SLC8A1: variants seen among roughly 807,000 people sequenced by gnomAD.
The protein encoded by SLC8A1 is sodium/calcium exchanger 1.
SLC8A1 carries 18 observed loss-of-function variants against 68.3 expected under a neutral mutation model. The observed-to-expected ratio is 0.26, with a 90% CI of 0.18 to 0.39. The LOEUF (loss-of-function observed/expected upper bound fraction) is 0.39. SLC8A1 is among the 10% of genes least tolerant of loss of function. The pLI, the probability that SLC8A1 is intolerant of heterozygous loss-of-function variation, is 1.00. For missense variants in SLC8A1, 985 were observed against 1,156.7 expected, an observed-to-expected ratio of 0.85 and a Z score of 2.15; for synonymous variants, 475 against 415.5, an observed-to-expected ratio of 1.14 and a Z score of -1.74.
Position 40,430,952 on chromosome 2 carries a change from A to G in SLC8A1, c.-24-648T>C, listed in dbSNP as rs115497459. On this transcript the variant is annotated intron_variant, in intron 1 of 7. Coordinates refer to ENST00000406785, the Ensembl canonical transcript of SLC8A1. The stretch of plus-strand genomic sequence containing the variant: ...CAAGCTTGCCTGAAATCAAAGCTCA[A>G]TGGCATTTGTTCTTGAGGAGAAAAA... 5.7e-3 allele frequency among the ~76,000 whole-genome samples: 861 copies of G among 152,322 alleles called. 10 individuals carry two copies. Among genetic ancestry groups the G allele is most frequent in the African/African-American group, 0.02 (813 of 41,580 alleles).
At chr2:40,118,255 C>G (rs1156820463) in intron 7 of SLC8A1, 1 of 152,274 alleles carries the variant, frequency 6.6e-6, no homozygotes, top group South Asian at 2.1e-4. Flanking sequence ...AGAGCCCAGT[C>G]TCAGTCCACA....
intron 2 of SLC8A1, among the ~76,000 whole-genome samples, chr2:40,374,078 C>T (rs566674787): frequency 1.3e-5 from 2 of 152,090 alleles, no homozygotes; most frequent in Admixed American, 6.5e-5. Flanking sequence ...AGAGCACACA[C>T]AAATCCACTG....
chr2:40,223,525 AGT>A (rs2058611156), intron 2 of SLC8A1: 2 of 152,132 alleles, frequency 1.3e-5, no homozygotes, highest in African/African-American at 2.4e-5. Context: ...ATTAAAAAAA[AGT>A]CTGAGTGTCT....
chr2:40,340,854 A>G (rs1236819325), intron 2 of SLC8A1, among the ~76,000 whole-genome samples: 1 of 152,166 alleles, frequency 6.6e-6, no homozygotes, highest in Non-Finnish European at 1.5e-5. Context: ...TTTCAGAGAC[A>G]ATGAGATAGC....
intron 2 of SLC8A1, among the ~76,000 whole-genome samples, chr2:40,187,449 G>C (rs2050903875): frequency 6.7e-6 from 1 of 150,040 alleles, no homozygotes; most frequent in Non-Finnish European, 1.5e-5. Flanking sequence ...GCTTCAAGCA[G>C]AGCAAGAGAC....
At chr2:40,229,782 C>A (rs2059424726) in intron 2 of SLC8A1, among the ~76,000 whole-genome samples, 1 of 152,084 alleles carries the variant, frequency 6.6e-6, no homozygotes, top group African/African-American at 2.4e-5. Context: ...TTTTGCCTTC[C>A]TGTATTGTGT....
At chr2:40,352,651 T>C (rs1671451355) in intron 2 of SLC8A1, among the ~76,000 whole-genome samples, 1 of 152,236 alleles carries the variant, frequency 6.6e-6, no homozygotes, top group Admixed American at 6.5e-5. Flanking sequence ...AGGATTTCTA[T>C]GTGTACTTAG....
intron 2 of SLC8A1, among the ~76,000 whole-genome samples, chr2:40,256,828 T>G (rs1334214790): frequency 6.6e-6 from 1 of 152,114 alleles, no homozygotes; most frequent in Admixed American, 6.5e-5. Context: ...GGATGCTGAG[T>G]GCAATCCCTC....
At chr2:40,120,202 C>G (rs564566016) in intron 7 of SLC8A1, among the ~76,000 whole-genome samples, 1 of 152,304 alleles carries the variant, frequency 6.6e-6, no homozygotes, top group Admixed American at 6.5e-5. Context: ...TTATTCTTGG[C>G]TCTTAGTGTT....
chr2:40,295,636 T>A (rs377070075), intron 2 of SLC8A1, among the ~76,000 whole-genome samples: 2 of 152,080 alleles, frequency 1.3e-5, no homozygotes, highest in Non-Finnish European at 2.9e-5. Context: ...CAGATATTGA[T>A]CATAAGAATG....
intron 1 of SLC8A1, among the ~76,000 whole-genome samples, chr2:40,499,583 A>G (rs536599529): frequency 1.1e-4 from 17 of 152,198 alleles, no homozygotes; most frequent in African/African-American, 4.1e-4. Context: ...AGTTGGTGAC[A>G]GTTCCCAACT....
intron 2 of SLC8A1, among the ~76,000 whole-genome samples, chr2:40,258,869 AC>A (rs2064304656): frequency 6.6e-6 from 1 of 151,872 alleles, no homozygotes; most frequent in Non-Finnish European, 1.5e-5. Context: ...ACAAAAAACA[AC>A]AAAAAACCCA....
At chr2:40,298,493 G>A (rs1445815110) in intron 2 of SLC8A1, among the ~76,000 whole-genome samples, 1 of 152,168 alleles carries the variant, frequency 6.6e-6, no homozygotes, top group Non-Finnish European at 1.5e-5. Context: ...GGGGGTAGGA[G>A]AATGAGGCAC....
At chr2:40,253,993 T>C (rs1558974510) in intron 2 of SLC8A1, among the ~76,000 whole-genome samples, 1 of 147,064 alleles carries the variant, frequency 6.8e-6, no homozygotes, top group Non-Finnish European at 1.5e-5. Flanking sequence ...TAACTGATTT[T>C]ATATTTCAAA....
rs558493187 is a variant in SLC8A1 at position 40,457,935 on chromosome 2, G to A, written c.-24-27631C>T. Among the ~76,000 whole-genome samples, 4 of 152,296 alleles carry A rather than the reference G, an allele frequency of 2.6e-5. No individual in the cohort carries two copies. The South Asian group carries it at 8.3e-4, about 32-fold the overall frequency. ...GTACAAAGGGATTTGCCGAATCCTG[G>A]CTGTACGCATGTATCAGCTGGGTTA... On this transcript the variant is annotated intron_variant, in intron 1 of 7. Coordinates refer to the SLC8A1 transcript ENST00000402441.
chr2:40,378,164 A>G (rs1680541083), intron 2 of SLC8A1, among the ~76,000 whole-genome samples: 1 of 152,112 alleles, frequency 6.6e-6, no homozygotes, highest in African/African-American at 2.4e-5. Context: ...GAAATAAGAA[A>G]AACCACTGAA....
chr2:40,151,277 G>GTT (rs1200197117), intron 6 of SLC8A1, among the ~76,000 whole-genome samples: 1 of 151,882 alleles, frequency 6.6e-6, no homozygotes, highest in African/African-American at 2.4e-5. Flanking sequence ...GCGTGTGTGT[G>GTT]TGTGTGTGTA....
chr2:40,435,159 C>T (rs761518203), intron 1 of SLC8A1, among the ~76,000 whole-genome samples: 1 of 152,166 alleles, frequency 6.6e-6, no homozygotes, highest in Admixed American at 6.5e-5. Context: ...TGGCCTTCAT[C>T]AGTACTTGGA....
At chr2:40,499,936 A>T (rs1234164288) in intron 1 of SLC8A1, among the ~76,000 whole-genome samples, 2 of 152,172 alleles carry the variant, frequency 1.3e-5, no homozygotes, top group Admixed American at 6.6e-5. Context: ...CCACAAGCAC[A>T]AAGCAAATAT....
Sources: gnomAD v4.1 joint callset for allele counts (sites outside exome capture counted in the v4.1 genomes callset) on GRCh38, gnomAD v4.1.1 for gene constraint, MANE v1.5 for transcripts, NCBI Gene and HGNC (gene_info 2026-07-23, HGNC 2026-07-21) for gene names.